ATP11B: variants seen among roughly 807,000 people sequenced by gnomAD.
ATP11B encodes the protein phospholipid-transporting ATPase IF.
Under a neutral mutation model 157.8 loss-of-function variants are expected in ATP11B, and 81 were observed. The observed-to-expected ratio is 0.51, with a 90% CI of 0.43 to 0.62. The LOEUF is 0.62. Among genes scored for constraint, ATP11B ranks in the 20% least tolerant of loss-of-function variants. ATP11B has a pLI of 0.00. For missense variants in ATP11B, 1,165 were observed against 1,402.2 expected, an observed-to-expected ratio of 0.83 and a Z score of 2.70; for synonymous variants, 451 against 469.4, an observed-to-expected ratio of 0.96 and a Z score of 0.51.
chr3:182,911,293 A>C (rs1724777010), intron 28 of ATP11B, among the ~76,000 whole-genome samples: 1 of 108,644 alleles, frequency 9.2e-6, no homozygotes, highest in African/African-American at 4.0e-5. Context: ...TAAGTCCTTT[A>C]AGATGTATTT....
rs916689146 is a variant in ATP11B at position 182,896,620 on chromosome 3, A to T, written c.2983-80A>T. The T allele has an allele frequency of 2.5e-6, 3 of 1,189,218 alleles. No individual in the cohort carries two copies. In the African/African-American group the frequency reaches 4.6e-5, roughly 18 times the overall value. The allele number at this position is 1,189,218 out of a possible 1,614,324, so 73.7% of individuals were successfully genotyped here. On this transcript the variant is annotated intron_variant, in intron 25 of 29. Transcript: ENST00000323116. Reference sequence around the variant, plus strand: ...GACTTAAATAATTCAAGGGATTTTTAGTAGAGAATTAAATGACTTTTTACC... The same window carrying T: ...GACTTAAATAATTCAAGGGATTTTTTGTAGAGAATTAAATGACTTTTTACC...
At chr3:182,880,511 ATT>A (rs1722347119) in intron 20 of ATP11B, among the ~76,000 whole-genome samples, 1 of 152,178 alleles carries the variant, frequency 6.6e-6, no homozygotes, top group Non-Finnish European at 1.5e-5. Context: ...GGAAACAATT[ATT>A]TCTTTCATAT....
Position 182,836,558 on chromosome 3 carries a change from G to A in ATP11B, c.552+88G>A, listed in dbSNP as rs954168064. The A allele has an allele frequency of 1.5e-5, 23 of 1,495,306 alleles. No homozygotes were observed. In the African/African-American group the frequency reaches 3.1e-4, roughly 20 times the overall value. 92.6% of individuals were successfully genotyped at this position (1,495,306 alleles called of 1,614,324 possible). On this transcript the variant is annotated intron_variant, in intron 6 of 29. Coordinates refer to ENST00000323116, the MANE Select transcript of ATP11B (RefSeq NM_014616.3). ...ACTTAACTTTGGTTAAAGTAGTAAA[G>A]TTTGACCAGATTAAGGGGAAGTTTT... is the stretch of plus-strand genomic sequence containing the variant.
chr3:182,902,373 C>T (rs917702584), intron 28 of ATP11B: 19 of 437,474 alleles, frequency 4.3e-5, no homozygotes, highest in Middle Eastern at 3.6e-4. Flanking sequence ...ATTTACTCCT[C>T]GTGTAGGAAC....
At chr3:182,916,193 G>A (rs1041920769) in intron 29 of ATP11B, 3 of 985,118 alleles carry the variant, frequency 3.0e-6, no homozygotes, top group African/African-American at 3.5e-5. Context: ...AATTGTATTT[G>A]TGAAATGTGT....
rs745407612 is a variant in ATP11B, at chr3:182,872,337, TTTTA to T, written c.1867-15_1867-12del. ...TTTGTGTTCAATTTTTGTCTTTAAT[TTTTA>T]TTTGTTTGTTTTAGAAAGGGCTAAG... On this transcript the variant is annotated splice_polypyrimidine_tract_variant and intron_variant, in intron 17 of 29. Transcript: ENST00000323116. 72 of 1,483,332 alleles carry T rather than the reference TTTTA, an allele frequency of 4.9e-5. No homozygotes were observed. The highest frequency in any genetic ancestry group is 3.6e-4 in the Middle Eastern group (2 of 5,538). 91.9% of individuals were successfully genotyped at this position (1,483,332 alleles called of 1,614,324 possible). A position where few individuals can be genotyped will look rare whatever the true frequency, so the allele number is the denominator to read the frequency against.
chr3:182,795,740 G>T (rs1715559570), intron 1 of ATP11B, among the ~76,000 whole-genome samples: 1 of 152,282 alleles, frequency 6.6e-6, no homozygotes, highest in Non-Finnish European at 1.5e-5. Flanking sequence ...CAAGGACCCT[G>T]GATACAGAGT....
At chr3:182,795,796 T>G (rs1004956318) in intron 1 of ATP11B, among the ~76,000 whole-genome samples, 13 of 152,216 alleles carry the variant, frequency 8.5e-5, no homozygotes, top group Non-Finnish European at 4.4e-5. Flanking sequence ...GCTATTCTGA[T>G]TACTGCACCA....
In ATP11B at chr3:182,879,491, T is replaced by C. The variant is rs1722273026; in HGVS notation, c.2253-5T>C. On this transcript the variant is annotated splice_region_variant and splice_polypyrimidine_tract_variant and intron_variant, in intron 19 of 29. Transcript: ENST00000323116. ...TACAGAGAATATAATTATTTTCTCT[T>C]TTAGAATTACAGAGGATCATGTGAT... 3.1e-6 allele frequency: 5 copies of C among 1,594,428 alleles called. No individual in the cohort carries two copies. Among genetic ancestry groups the C allele is most frequent in the Non-Finnish European group, 4.3e-6 (5 of 1,173,746 alleles).
chr3:182,915,689 G>A (rs1020948452), intron 29 of ATP11B: 1 of 981,230 alleles, frequency 1.0e-6, no homozygotes, highest in Non-Finnish European at 1.2e-6. Flanking sequence ...CCATTTTCTT[G>A]ATATCGATTA....
chr3:182,902,661 G>A (rs1396965975), intron 28 of ATP11B: 3 of 727,906 alleles, frequency 4.1e-6, no homozygotes, highest in Admixed American at 2.9e-5. Flanking sequence ...AATAAAGAGC[G>A]GGGCATTTTT....
intron 9 of ATP11B, among the ~76,000 whole-genome samples, chr3:182,847,859 G>A (rs1381259079): frequency 6.6e-6 from 1 of 152,178 alleles, no homozygotes. Context: ...AAAGTTTTTT[G>A]ATAAGCTGGT....
In ATP11B at chr3:182,793,792, T is replaced by C; in HGVS notation, c.27+6T>C. The C allele has an allele frequency of 1.4e-6, 2 of 1,388,128 alleles. No homozygotes were observed. Among genetic ancestry groups the C allele is most frequent in the South Asian group, 1.5e-5 (1 of 68,268 alleles). 86.0% of individuals were successfully genotyped at this position (1,388,128 alleles called of 1,614,324 possible). On this transcript the variant is annotated splice_donor_region_variant and intron_variant, in intron 1 of 29. Coordinates refer to ENST00000323116, the MANE Select transcript of ATP11B (RefSeq NM_014616.3). ...GCTGGATCCGGCAGCAGCTGGTAGG[T>C]GCCCCCGCCCCTCCACCTCCATTCG...
At chr3:182,873,156 G>C (rs1487863169) in intron 18 of ATP11B, among the ~76,000 whole-genome samples, 1 of 152,132 alleles carries the variant, frequency 6.6e-6, no homozygotes, top group Non-Finnish European at 1.5e-5. Flanking sequence ...CTGTTAACCT[G>C]TGAAATCCTT....
chr3:182,819,956 A>G (rs927524100), intron 1 of ATP11B, among the ~76,000 whole-genome samples: 2 of 152,282 alleles, frequency 1.3e-5, no homozygotes. Flanking sequence ...TCTGACAGAG[A>G]ATGAACTGTT....
chr3:182,799,375 C>G (rs533136840), intron 1 of ATP11B, among the ~76,000 whole-genome samples: 13 of 151,842 alleles, frequency 8.6e-5, no homozygotes, highest in African/African-American at 2.9e-4. Context: ...CTCCTGGGTT[C>G]CCACCATTCT....
At chr3:182,799,800 G>C (rs892263241) in intron 1 of ATP11B, among the ~76,000 whole-genome samples, 2 of 151,950 alleles carry the variant, frequency 1.3e-5, no homozygotes, top group South Asian at 4.2e-4. Flanking sequence ...GAGTTTCTCT[G>C]TTATAAAATT....
intron 25 of ATP11B, among the ~76,000 whole-genome samples, chr3:182,892,448 A>T (rs1409244808): frequency 1.3e-5 from 2 of 152,212 alleles, no homozygotes; most frequent in African/African-American, 2.4e-5. Context: ...AAGTGCTGAG[A>T]GGAGTGACTG....
At chr3:182,848,174 T>C (rs1201970425) in intron 9 of ATP11B, among the ~76,000 whole-genome samples, 2 of 152,242 alleles carry the variant, frequency 1.3e-5, no homozygotes, top group African/African-American at 4.8e-5. Context: ...CCTGACACTT[T>C]TATCTTTCCA....
Sources: allele counts gnomAD v4.1 joint callset (sites outside exome capture counted in the v4.1 genomes callset), GRCh38; gene constraint gnomAD v4.1.1; transcripts MANE v1.5; gene names NCBI Gene and HGNC (gene_info 2026-07-23, HGNC 2026-07-21).